RIMS2: variants seen among roughly 807,000 people sequenced by gnomAD.
RIMS2 encodes the protein regulating synaptic membrane exocytosis protein 2.
In RIMS2, 59 loss-of-function variants were observed where a neutral mutation model predicts 174.4. The observed-to-expected ratio is 0.34, with a 90% CI of 0.27 to 0.42. The LOEUF is 0.42. Ranked by LOEUF, RIMS2 falls within the 10% of genes least tolerant of loss-of-function variation. The probability of loss-of-function intolerance (pLI) is 1.00; values close to 1 mark genes in which losing one functional copy is unlikely to be tolerated. For missense variants in RIMS2, 1,620 were observed against 1,666.3 expected (o/e 0.97, Z 0.48); for synonymous variants, 606 against 572.5 (o/e 1.06, Z -0.84).
chr8:104,082,065 C>T (rs1330695305), intron 19 of RIMS2, among the ~76,000 whole-genome samples: 2 of 151,748 alleles, frequency 1.3e-5, no homozygotes, highest in Non-Finnish European at 2.9e-5. Flanking sequence ...ATTGCTGAAG[C>T]TCATCAGCTT....
At chr8:103,752,009 A>T (rs1266037763) in intron 2 of RIMS2, among the ~76,000 whole-genome samples, 6 of 152,022 alleles carry the variant, frequency 3.9e-5, no homozygotes, top group African/African-American at 1.2e-4. Flanking sequence ...GGTGTTTTAG[A>T]CATGAAGTCC....
intron 19 of RIMS2, among the ~76,000 whole-genome samples, chr8:104,155,246 A>G (rs1407088696): frequency 6.6e-6 from 1 of 151,044 alleles, no homozygotes; most frequent in Non-Finnish European, 1.5e-5. Flanking sequence ...AGCTGGGACT[A>G]CAGGCGCCCG....
chr8:104,030,915 T>C (rs543801676), intron 19 of RIMS2, among the ~76,000 whole-genome samples: 16 of 152,186 alleles, frequency 1.1e-4, no homozygotes, highest in Non-Finnish European at 1.9e-4. Flanking sequence ...ATATAAACTT[T>C]ATGAATGTAT....
intron 1 of RIMS2, among the ~76,000 whole-genome samples, chr8:103,606,790 T>G (rs2095113809): frequency 6.6e-6 from 1 of 151,966 alleles, no homozygotes; most frequent in Admixed American, 6.6e-5. Flanking sequence ...TTTGTTGGTT[T>G]AAAGTCTGTT....
chr8:104,250,477 G>A (rs1255299216), intron 22 of RIMS2, among the ~76,000 whole-genome samples: 4 of 152,100 alleles, frequency 2.6e-5, no homozygotes, highest in Non-Finnish European at 2.9e-5. Context: ...ATCATGATTT[G>A]TACATGCATG....
intron 1 of RIMS2, among the ~76,000 whole-genome samples, chr8:103,671,602 A>G (rs1329147098): frequency 6.6e-6 from 1 of 152,098 alleles, no homozygotes; most frequent in Non-Finnish European, 1.5e-5. Context: ...ACACTTTAGG[A>G]TTTTATTTGC....
intron 19 of RIMS2, among the ~76,000 whole-genome samples, chr8:104,098,818 A>T (rs149780922): frequency 6.6e-6 from 1 of 152,340 alleles, no homozygotes; most frequent in East Asian, 1.9e-4. Context: ...GTGTGAAAAC[A>T]GATTACATAG....
rs145019727 is a variant in RIMS2, at chr8:104,041,312, C to T, written c.3334+26697C>T. 2,734 of 694,032 alleles carry T rather than the reference C, an allele frequency of 3.9e-3. 50 individuals carry two copies. The highest frequency in any genetic ancestry group is 3.4e-3 in the African/African-American group (193 of 57,574). 43.0% of individuals were successfully genotyped at this position (694,032 alleles called of 1,614,324 possible). The stretch of plus-strand genomic sequence containing the variant: ...CCTTTGTCTATGTCTGTCCATTACA[C>T]GATGTGATCACAGAAGAACTGGACT... On this transcript the variant is annotated intron_variant, in intron 19 of 23. Coordinates refer to ENST00000504942, the Ensembl canonical transcript of RIMS2.
At chr8:103,930,441 A>T (rs1193591734) in intron 11 of RIMS2, among the ~76,000 whole-genome samples, 1 of 152,054 alleles carries the variant, frequency 6.6e-6, no homozygotes, top group African/African-American at 2.4e-5. Context: ...CAAGATATGG[A>T]TCAGAGCCGT....
At chr8:103,736,141 T>C (rs1465549275) in intron 2 of RIMS2, among the ~76,000 whole-genome samples, 2 of 152,204 alleles carry the variant, frequency 1.3e-5, no homozygotes, top group Non-Finnish European at 2.9e-5. Context: ...TTAATAGCCA[T>C]AGTAATTTTC....
At chr8:103,664,387 G>A (rs1266254028) in intron 1 of RIMS2, among the ~76,000 whole-genome samples, 2 of 152,064 alleles carry the variant, frequency 1.3e-5, no homozygotes, top group Non-Finnish European at 1.5e-5. Flanking sequence ...ATCTGACAAA[G>A]GGCTAATATC....
intron 4 of RIMS2, among the ~76,000 whole-genome samples, chr8:103,899,470 C>A (rs1262767711): frequency 6.6e-6 from 1 of 151,746 alleles, no homozygotes; most frequent in Admixed American, 6.6e-5. Flanking sequence ...TCTCTGATGG[C>A]CAGTGATGAT....
At chr8:104,030,676 ATACC>A (rs1336170922) in intron 19 of RIMS2, among the ~76,000 whole-genome samples, 2 of 152,136 alleles carry the variant, frequency 1.3e-5, no homozygotes, top group Non-Finnish European at 2.9e-5. Flanking sequence ...TCTGCCTGGA[ATACC>A]TTCTCTTTAA....
chr8:104,087,560 G>C (rs565551972), intron 19 of RIMS2, among the ~76,000 whole-genome samples: 1 of 152,180 alleles, frequency 6.6e-6, no homozygotes, highest in East Asian at 1.9e-4. Context: ...AAGATGACTA[G>C]ACCTATTTAA....
At chr8:104,089,124 G>A (rs778314901) in intron 19 of RIMS2, among the ~76,000 whole-genome samples, 1 of 151,826 alleles carries the variant, frequency 6.6e-6, no homozygotes, top group Non-Finnish European at 1.5e-5. Flanking sequence ...AGCTAAGATC[G>A]TATTATCCTT....
At chr8:103,998,707 C>CCTTGTCAGAGGTGGCTGT (rs1342339226) in intron 17 of RIMS2, among the ~76,000 whole-genome samples, 4 of 151,722 alleles carry the variant, frequency 2.6e-5, no homozygotes, top group Non-Finnish European at 4.4e-5. Context: ...TTTGTGGTTG[C>CCTTGTCAGAGGTGGCTGT]CTTGTCAGAG....
intron 19 of RIMS2, among the ~76,000 whole-genome samples, chr8:104,128,796 T>TAAA (rs2098451545): frequency 6.6e-6 from 1 of 152,350 alleles, no homozygotes; most frequent in African/African-American, 2.4e-5. Flanking sequence ...AATTTTTGTT[T>TAAA]TCTTCAGTAT....
intron 19 of RIMS2, among the ~76,000 whole-genome samples, chr8:104,197,300 C>A (rs2099029777): frequency 6.6e-6 from 1 of 151,822 alleles, no homozygotes; most frequent in Admixed American, 6.6e-5. Context: ...CTCAGCCTCC[C>A]AAGTATCTGG....
intron 1 of RIMS2, among the ~76,000 whole-genome samples, chr8:103,586,843 G>C (rs1046571764): frequency 6.6e-6 from 1 of 151,864 alleles, no homozygotes; most frequent in South Asian, 2.1e-4. Context: ...TCTTTAGCCA[G>C]AGTAAGAGAA....
Sources: gnomAD v4.1 joint callset for allele counts (sites outside exome capture counted in the v4.1 genomes callset) on GRCh38, gnomAD v4.1.1 for gene constraint, MANE v1.5 for transcripts, NCBI Gene and HGNC (gene_info 2026-07-23, HGNC 2026-07-21) for gene names.